Variants in CSMD3 observed in about 807,000 individuals in gnomAD.
The protein encoded by CSMD3 is CUB and sushi domain-containing protein 3.
CSMD3 carries 177 observed loss-of-function variants against 435.2 expected under a neutral mutation model. The observed-to-expected ratio is 0.41, with a 90% confidence interval of 0.36 to 0.46. The LOEUF is 0.46. Ranked by LOEUF, CSMD3 falls within the 20% of genes least tolerant of loss-of-function variation. The pLI is 0.34. For missense variants in CSMD3, 4,265 were observed against 4,504.6 expected, an observed-to-expected ratio of 0.95 and a Z score of 1.52; for synonymous variants, 1,656 against 1,520.5, an observed-to-expected ratio of 1.09 and a Z score of -2.07.
At chr8:113,402,945 G>A (rs1304748451) in intron 1 of CSMD3, among the ~76,000 whole-genome samples, 3 of 151,078 alleles carry the variant, frequency 2.0e-5, no homozygotes. Context: ...TGAACATTAA[G>A]TTATAAATCA....
intron 9 of CSMD3, among the ~76,000 whole-genome samples, chr8:112,938,119 T>C (rs1460183305): frequency 1.3e-5 from 2 of 152,158 alleles, no homozygotes; most frequent in Non-Finnish European, 2.9e-5. Flanking sequence ...GAACTGCCTG[T>C]TGTAATCTGA....
chr8:113,059,340 AC>A (rs2088496833), intron 5 of CSMD3, among the ~76,000 whole-genome samples: 1 of 152,134 alleles, frequency 6.6e-6, no homozygotes, highest in Non-Finnish European at 1.5e-5. Flanking sequence ...TGTCTCTGGT[AC>A]CCTTGGCCTT....
intron 32 of CSMD3, among the ~76,000 whole-genome samples, chr8:112,449,320 C>T (rs768342811): frequency 1.3e-5 from 2 of 152,136 alleles, no homozygotes; most frequent in African/African-American, 2.4e-5. Context: ...CTAGAAGCAA[C>T]CCTCGCTCTT....
intron 1 of CSMD3, among the ~76,000 whole-genome samples, chr8:113,365,079 A>T (rs1022095570): frequency 7.9e-5 from 12 of 152,088 alleles, no homozygotes; most frequent in Admixed American, 2.6e-4. Flanking sequence ...GAAATGTTGA[A>T]CTATAACAAT....
At chr8:112,516,775 A>T (rs550048392) in intron 28 of CSMD3, among the ~76,000 whole-genome samples, 1 of 152,316 alleles carries the variant, frequency 6.6e-6, no homozygotes, top group East Asian at 1.9e-4. Flanking sequence ...AAAGGGTGAT[A>T]TAATTTTCCA....
At chr8:113,285,449 C>T (rs1028764947) in intron 2 of CSMD3, among the ~76,000 whole-genome samples, 5 of 151,946 alleles carry the variant, frequency 3.3e-5, no homozygotes, top group East Asian at 1.9e-4. Context: ...TTAGTAGAGA[C>T]GGGGTTTCAC....
chr8:112,531,873 A>G (rs920710896), intron 27 of CSMD3, among the ~76,000 whole-genome samples: 4 of 152,116 alleles, frequency 2.6e-5, no homozygotes, highest in African/African-American at 9.7e-5. Flanking sequence ...AAGCAAACAG[A>G]CTAACTAAGG....
At chr8:112,785,179 A>C (rs2132264008) in intron 13 of CSMD3, among the ~76,000 whole-genome samples, 1 of 152,146 alleles carries the variant, frequency 6.6e-6, no homozygotes, top group Non-Finnish European at 1.5e-5. Context: ...TATTTCAATT[A>C]ACAATGAACA....
At chr8:112,548,227 G>A (rs938797736) in intron 27 of CSMD3, among the ~76,000 whole-genome samples, 17 of 152,142 alleles carry the variant, frequency 1.1e-4, no homozygotes, top group African/African-American at 3.1e-4. Context: ...TATGTACTCC[G>A]GCTTTCCTCC....
intron 27 of CSMD3, among the ~76,000 whole-genome samples, chr8:112,535,492 C>G (rs1308855255): frequency 6.6e-6 from 1 of 151,564 alleles, no homozygotes; most frequent in Non-Finnish European, 1.5e-5. Flanking sequence ...TCAAGGAGAA[C>G]TACAAACCAC....
At chr8:112,732,202 G>T (rs2077089431) in intron 13 of CSMD3, among the ~76,000 whole-genome samples, 1 of 151,960 alleles carries the variant, frequency 6.6e-6, no homozygotes, top group Non-Finnish European at 1.5e-5. Context: ...AACAAGAGAG[G>T]ATTCATGATT....
rs536869716 is a variant in CSMD3, at chr8:112,347,835, A to G, written c.6326-1622T>C. 2.6e-5 allele frequency among the ~76,000 whole-genome samples: 4 copies of G among 152,330 alleles called. No homozygotes were observed. In the East Asian group the frequency reaches 7.7e-4, roughly 29 times the overall value. ...AAATATTTTTAAAGTTTATGGCAAT[A>G]CATTTGTAGGTTTGTTTTGCTTTAT... is the stretch of plus-strand genomic sequence containing the variant. On this transcript the variant is annotated intron_variant, in intron 40 of 70. Transcript: ENST00000297405.
At chr8:112,983,638 G>A (rs2130976804) in intron 6 of CSMD3, among the ~76,000 whole-genome samples, 1 of 151,052 alleles carries the variant, frequency 6.6e-6, no homozygotes, top group South Asian at 2.1e-4. Flanking sequence ...AATACTTGGG[G>A]AAATTTTAGA....
chr8:113,305,827 A>G (rs1246565796), intron 2 of CSMD3, among the ~76,000 whole-genome samples: 3 of 152,248 alleles, frequency 2.0e-5, no homozygotes, highest in African/African-American at 7.2e-5. Context: ...AGATGCATCA[A>G]AATTTTAATT....
At chr8:113,032,671 G>C (rs2087165400) in intron 5 of CSMD3, among the ~76,000 whole-genome samples, 1 of 151,602 alleles carries the variant, frequency 6.6e-6, no homozygotes, top group Non-Finnish European at 1.5e-5. Context: ...TGGTAGAAAA[G>C]GAAAACACAT....
chr8:112,935,886 T>C (rs1587710402), intron 9 of CSMD3, among the ~76,000 whole-genome samples: 1 of 152,156 alleles, frequency 6.6e-6, no homozygotes, highest in East Asian at 1.9e-4. Flanking sequence ...AGAGATGGTT[T>C]AGGATGTTTG....
chr8:113,217,213 T>TA (rs11373229), intron 3 of CSMD3, among the ~76,000 whole-genome samples: 56,253 of 151,292 alleles, frequency 0.37, 11,359 homozygotes, highest in African/African-American at 0.54. Flanking sequence ...GTTTCTGATG[T>TA]AAAAAAACTC....
intron 22 of CSMD3, among the ~76,000 whole-genome samples, chr8:112,634,749 C>CT (rs947933281): frequency 6.0e-4 from 91 of 150,660 alleles, no homozygotes; most frequent in Non-Finnish European, 8.9e-4. Flanking sequence ...CATGTAAACA[C>CT]TTTTTTTTTC....
intron 1 of CSMD3, among the ~76,000 whole-genome samples, chr8:113,318,663 A>C (rs1273636707): frequency 6.6e-6 from 1 of 152,008 alleles, no homozygotes; most frequent in African/African-American, 2.4e-5. Flanking sequence ...TATATTCCAC[A>C]TATAGGTGAT....
Sources: allele counts gnomAD v4.1 joint callset (sites outside exome capture counted in the v4.1 genomes callset), GRCh38; gene constraint gnomAD v4.1.1; transcripts MANE v1.5; gene names NCBI Gene and HGNC (gene_info 2026-07-23, HGNC 2026-07-21).